POT1: variants seen among roughly 807,000 people sequenced by gnomAD.
POT1 encodes the protein protection of telomeres protein 1.
Under a neutral mutation model 78.5 loss-of-function variants are expected in POT1, and 47 were observed. The ratio of observed to expected loss-of-function variants is 0.60; its 90% CI spans 0.47 to 0.76. The LOEUF is 0.76. Ranked by LOEUF, POT1 falls within the 30% of genes least tolerant of loss-of-function variation. The pLI is 0.00. For synonymous variants in POT1, 259 were observed against 260.7 expected (o/e 0.99, Z 0.06); for missense variants, 646 against 749.9 (o/e 0.86, Z 1.62).
At chr7:124,826,194 G>A (rs1362141367) in intron 17 of POT1, among the ~76,000 whole-genome samples, 2 of 152,128 alleles carry the variant, frequency 1.3e-5, no homozygotes, top group Non-Finnish European at 2.9e-5. Context: ...TTTTAGCAGA[G>A]CTTCCCTATC....
intron 3 of POT1, among the ~76,000 whole-genome samples, chr7:124,908,499 T>G (rs1214271064): frequency 1.3e-5 from 2 of 152,026 alleles, no homozygotes; most frequent in Non-Finnish European, 2.9e-5. Context: ...TCATTAAATA[T>G]TCCAAGATGC....
intron 6 of POT1, among the ~76,000 whole-genome samples, chr7:124,872,382 C>A (rs1346488035): frequency 6.6e-6 from 1 of 152,144 alleles, no homozygotes; most frequent in East Asian, 1.9e-4. Context: ...CAGTTTCCTG[C>A]AGTCAACTGT....
intron 13 of POT1, 62 bp downstream of exon 13, chr7:124,842,745 A>G: frequency 2.4e-6 from 3 of 1,265,238 alleles, no homozygotes; most frequent in East Asian, 5.2e-5. Context: ...AAAATTATAC[A>G]TATGTGTACA....
intron 6 of POT1, among the ~76,000 whole-genome samples, chr7:124,888,456 T>C (rs1008844137): frequency 1.3e-5 from 2 of 152,054 alleles, no homozygotes; most frequent in African/African-American, 4.8e-5. Context: ...GTCCTTTGTG[T>C]TTCCATATGA....
At chr7:124,887,411 A>G (rs547867975) in intron 6 of POT1, among the ~76,000 whole-genome samples, 2 of 152,204 alleles carry the variant, frequency 1.3e-5, no homozygotes, top group South Asian at 4.1e-4. Flanking sequence ...ATTTACACAC[A>G]GACTAGTTTT....
At chr7:124,873,113 T>C (rs1795909569) in intron 6 of POT1, among the ~76,000 whole-genome samples, 1 of 152,196 alleles carries the variant, frequency 6.6e-6, no homozygotes, top group Admixed American at 6.5e-5. Flanking sequence ...TTTCTCTCAT[T>C]CTTTACTCTG....
chr7:124,870,513 GAAAGAAT>G (rs1486314610), intron 7 of POT1, among the ~76,000 whole-genome samples: 1 of 151,982 alleles, frequency 6.6e-6, no homozygotes, highest in African/African-American at 2.4e-5. Flanking sequence ...CAAGAAATGG[GAAAGAAT>G]AATATAATCT....
chr7:124,901,648 A>G (rs1370888953), intron 3 of POT1, among the ~76,000 whole-genome samples: 3 of 152,236 alleles, frequency 2.0e-5, no homozygotes, highest in East Asian at 1.9e-4. Flanking sequence ...GCTCCTCGCC[A>G]GCAATGGAAC....
rs375855825 is a variant in POT1 at position 124,847,192 on chromosome 7, C to T, written c.950-194G>A. ...ATTAATCTGTAAATTCAGCATAATCCTTCGAAAATAGCAGAGGCTGGGGTG... is the reference window on the plus strand; with the variant it reads ...ATTAATCTGTAAATTCAGCATAATCTTTCGAAAATAGCAGAGGCTGGGGTG... On this transcript the variant is annotated intron_variant, in intron 11 of 18. Coordinates refer to ENST00000357628, the MANE Select transcript of POT1 (RefSeq NM_015450.3). Among the ~76,000 whole-genome samples the T allele has an allele frequency of 9.8e-5, 15 of 152,290 alleles. No homozygotes were observed. The East Asian group carries it at 2.5e-3, about 26-fold the overall frequency.
chr7:124,861,594 TCTTTAA>T (rs772460572), intron 8 of POT1, among the ~76,000 whole-genome samples: 59 of 152,358 alleles, frequency 3.9e-4, no homozygotes, highest in Non-Finnish European at 1.8e-4. Context: ...GTGCAGAAGC[TCTTTAA>T]CTTTGTCAAT....
intron 6 of POT1, among the ~76,000 whole-genome samples, chr7:124,891,074 A>T (rs1431772512): frequency 2.0e-5 from 3 of 151,452 alleles, no homozygotes; most frequent in Non-Finnish European, 4.4e-5. Flanking sequence ...TTCCTTATTG[A>T]TCTCTGTCTG....
intron 3 of POT1, 34 bp from the exon 4 acceptor site, chr7:124,898,408 A>T (rs1179955672): frequency 6.6e-6 from 1 of 151,822 alleles, no homozygotes; most frequent in Admixed American, 6.6e-5. Flanking sequence ...TGAATCAATC[A>T]CCAAAATACG....
chr7:124,878,067 ATGCC>A (rs1455579855), intron 6 of POT1, among the ~76,000 whole-genome samples: 1 of 152,126 alleles, frequency 6.6e-6, no homozygotes, highest in Non-Finnish European at 1.5e-5. Flanking sequence ...ACAGTGGCTC[ATGCC>A]TGTAATCCCA....
At chr7:124,908,307 T>G (rs1049195821) in intron 3 of POT1, among the ~76,000 whole-genome samples, 5 of 152,012 alleles carry the variant, frequency 3.3e-5, no homozygotes, top group African/African-American at 7.2e-5. Context: ...AGCATTTGCA[T>G]GTACTGGGTT....
At position 124,825,130 on chromosome 7, in the gene POT1, T is replaced by G. The variant is rs948911841; in HGVS notation, c.1792+122A>C. On this transcript the variant is annotated intron_variant, in intron 18 of 18. Coordinates refer to ENST00000357628, the MANE Select transcript of POT1 (RefSeq NM_015450.3). The stretch of plus-strand genomic sequence containing the variant: ...CAAAGGTTGATCATAGAGTAATCAC[T>G]CACTACTTAGTAAATCATTTGGAAG... 12 of 520,052 alleles carry G rather than the reference T, an allele frequency of 2.3e-5. No homozygotes were observed. The African/African-American group carries it at 2.3e-4, about 10-fold the overall frequency. The allele number at this position is 520,052 out of a possible 1,614,324, so 32.2% of individuals were successfully genotyped here.
chr7:124,900,431 G>A (rs777545271), intron 3 of POT1, among the ~76,000 whole-genome samples: 7 of 151,924 alleles, frequency 4.6e-5, no homozygotes, highest in Admixed American at 2.0e-4. Flanking sequence ...CCTATACAGC[G>A]TTTTAGCATT....
chr7:124,903,941 A>G (rs1796692705), intron 3 of POT1, among the ~76,000 whole-genome samples: 1 of 152,214 alleles, frequency 6.6e-6, no homozygotes, highest in Non-Finnish European at 1.5e-5. Flanking sequence ...ATTACTAGAC[A>G]CACACCCTCC....
At chr7:124,924,640 C>G (rs1797230942) in intron 2 of POT1, among the ~76,000 whole-genome samples, 1 of 151,900 alleles carries the variant, frequency 6.6e-6, no homozygotes, top group African/African-American at 2.4e-5. Context: ...ACCCTGATAT[C>G]AAAACCAGAC....
intron 3 of POT1, among the ~76,000 whole-genome samples, chr7:124,910,284 T>C (rs1403607929): frequency 6.6e-6 from 1 of 151,876 alleles, no homozygotes; most frequent in Non-Finnish European, 1.5e-5. Flanking sequence ...AGACAAATAT[T>C]TGCAAGATTG....
Sources: gnomAD v4.1 joint callset for allele counts (sites outside exome capture counted in the v4.1 genomes callset) on GRCh38, gnomAD v4.1.1 for gene constraint, MANE v1.5 for transcripts, NCBI Gene and HGNC (gene_info 2026-07-23, HGNC 2026-07-21) for gene names.